The following WDR7 variants were observed in gnomAD, a reference collection of about 807,000 sequenced individuals.
WDR7 encodes WD repeat-containing protein 7.
In WDR7, 46 loss-of-function variants were observed where a neutral mutation model predicts 169.4. The ratio of observed to expected loss-of-function variants is 0.27; its 90% CI spans 0.21 to 0.35. The LOEUF (loss-of-function observed/expected upper bound fraction) is 0.35, where lower values mean the gene tolerates loss of function less well. Among genes scored for constraint, WDR7 ranks in the 10% least tolerant of loss-of-function variants. The probability of loss-of-function intolerance (pLI) is 1.00; values close to 1 mark genes in which losing one functional copy is unlikely to be tolerated. For missense variants in WDR7, 1,534 were observed against 1,859.3 expected (o/e 0.83, Z 3.22); for synonymous variants, 612 against 666.8 (o/e 0.92, Z 1.27).
chr18:56,929,228 A>G (rs895393924), intron 22 of WDR7, among the ~76,000 whole-genome samples: 74 of 152,174 alleles, frequency 4.9e-4, no homozygotes, highest in African/African-American at 1.7e-3. Context: ...GTGAGCTATG[A>G]TCGTACCACT....
intron 20 of WDR7, among the ~76,000 whole-genome samples, chr18:56,836,864 T>C (rs2045404488): frequency 6.6e-6 from 1 of 152,240 alleles, no homozygotes; most frequent in South Asian, 2.1e-4. Context: ...CTTTTTGTCA[T>C]TTTAATAGGA....
intron 16 of WDR7, among the ~76,000 whole-genome samples, chr18:56,773,668 C>T (rs2044198770): frequency 6.6e-6 from 1 of 152,012 alleles, no homozygotes; most frequent in Non-Finnish European, 1.5e-5. Flanking sequence ...GAAACCTGAA[C>T]TAATGATTTA....
intron 21 of WDR7, among the ~76,000 whole-genome samples, chr18:56,913,337 CTCT>C (rs1405645488): frequency 4.6e-5 from 7 of 152,114 alleles, no homozygotes; most frequent in African/African-American, 1.7e-4. Flanking sequence ...CAAGAGGAAA[CTCT>C]TCTTCTCTCT....
In WDR7 at chr18:57,000,863, C is replaced by G. The variant is rs377409020; in HGVS notation, c.4165-19882C>G. 9.9e-5 allele frequency among the ~76,000 whole-genome samples: 15 copies of G among 152,184 alleles called. No homozygotes were observed. In the East Asian group the frequency reaches 2.5e-3, roughly 25 times the overall value. On this transcript the variant is annotated intron_variant, in intron 26 of 27. Coordinates refer to ENST00000254442, the MANE Select transcript of WDR7 (RefSeq NM_015285.3). The stretch of plus-strand genomic sequence containing the variant: ...ATATTCTGGAATTTTAAAAATATTT[C>G]TCTAAATTCTTTAGCTTTTCAGTTG...
chr18:56,957,647 C>A (rs1343233116), intron 25 of WDR7, among the ~76,000 whole-genome samples: 1 of 152,082 alleles, frequency 6.6e-6, no homozygotes, highest in Non-Finnish European at 1.5e-5. Flanking sequence ...TATACAGATA[C>A]TTAGGACAGT....
At chr18:56,990,653 A>T (rs558691959) in intron 26 of WDR7, among the ~76,000 whole-genome samples, 64 of 152,302 alleles carry the variant, frequency 4.2e-4, no homozygotes, top group Middle Eastern at 3.4e-3. Context: ...TGATTTTAAA[A>T]TGCAAATATT....
intron 27 of WDR7, 40 bp downstream of exon 27, chr18:57,020,889 G>C (rs768175598): frequency 6.4e-7 from 1 of 1,564,930 alleles, no homozygotes; most frequent in Admixed American, 1.7e-5. Context: ...CATATACTGC[G>C]TGATATGCCT....
intron 20 of WDR7, among the ~76,000 whole-genome samples, chr18:56,818,151 C>CT: frequency 6.6e-6 from 1 of 152,254 alleles, no homozygotes; most frequent in Admixed American, 6.5e-5. Context: ...GTTTAAACAC[C>CT]TTCCAATCTA....
chr18:56,750,152 A>G (rs2043768197), intron 14 of WDR7, among the ~76,000 whole-genome samples: 1 of 152,118 alleles, frequency 6.6e-6, no homozygotes, highest in South Asian at 2.1e-4. Context: ...CTTAACCTGT[A>G]ATTGTCACAG....
chr18:56,900,082 G>GTGTATATATATATATA (rs1409730889), intron 21 of WDR7, among the ~76,000 whole-genome samples: 61 of 32,048 alleles, frequency 1.9e-3, no homozygotes, highest in African/African-American at 3.6e-3. Context: ...GTGTGTGTGT[G>GTGTATATATATATATA]TATATATATA....
chr18:56,956,737 A>G (rs2047255628), intron 25 of WDR7, among the ~76,000 whole-genome samples: 1 of 152,168 alleles, frequency 6.6e-6, no homozygotes, highest in Non-Finnish European at 1.5e-5. Flanking sequence ...CCCATCCAGT[A>G]TGCATGATGA....
intron 20 of WDR7, among the ~76,000 whole-genome samples, chr18:56,816,758 A>T (rs1276705838): frequency 4.6e-5 from 7 of 152,316 alleles, no homozygotes; most frequent in African/African-American, 1.7e-4. Flanking sequence ...CTCCAAATAC[A>T]TTCAGCTCAA....
chr18:56,838,317 T>A (rs77356813), intron 20 of WDR7, among the ~76,000 whole-genome samples: 3,690 of 152,304 alleles, frequency 0.024, 68 homozygotes, highest in Middle Eastern at 0.092. Flanking sequence ...CTTAGAGAAT[T>A]TTAGGTTTGT....
At chr18:56,900,080 G>GTATATATATATATATA (rs772841290) in intron 21 of WDR7, among the ~76,000 whole-genome samples, 108 of 30,224 alleles carry the variant, frequency 3.6e-3, no homozygotes, top group African/African-American at 6.4e-3. Context: ...GTGTGTGTGT[G>GTATATATATATATATA]TGTATATATA....
chr18:56,694,399 T>TC (rs1857202191), intron 9 of WDR7, among the ~76,000 whole-genome samples: 1 of 152,230 alleles, frequency 6.6e-6, no homozygotes. Context: ...CAGTTTTTGT[T>TC]TCATTCAATG....
chr18:56,744,664 G>A (rs1254910427), intron 14 of WDR7, among the ~76,000 whole-genome samples: 1 of 152,136 alleles, frequency 6.6e-6, no homozygotes, highest in East Asian at 1.9e-4. Context: ...TGCTGCACCT[G>A]AAATCACCTA....
At chr18:56,679,750 A>G (rs1420908532) in intron 3 of WDR7, among the ~76,000 whole-genome samples, 2 of 152,214 alleles carry the variant, frequency 1.3e-5, no homozygotes, top group Non-Finnish European at 2.9e-5. Context: ...GTTGCCAGAC[A>G]ACTTTGAGAT....
At chr18:56,890,377 G>A (rs2145520450) in intron 21 of WDR7, among the ~76,000 whole-genome samples, 1 of 152,182 alleles carries the variant, frequency 6.6e-6, no homozygotes, top group East Asian at 1.9e-4. Flanking sequence ...TTTATTTAAT[G>A]AATAGGTTAA....
chr18:56,664,216 A>G (rs563959079), intron 1 of WDR7, among the ~76,000 whole-genome samples: 2 of 152,152 alleles, frequency 1.3e-5, no homozygotes, highest in African/African-American at 4.8e-5. Context: ...TGACCCCTTC[A>G]TGTAGTGGGA....
Sources: allele counts gnomAD v4.1 joint callset (sites outside exome capture counted in the v4.1 genomes callset), GRCh38; gene constraint gnomAD v4.1.1; transcripts MANE v1.5; gene names NCBI Gene and HGNC (gene_info 2026-07-23, HGNC 2026-07-21).